The following FPGT variants were observed in gnomAD, a reference collection of about 807,000 sequenced individuals.
FPGT encodes the protein GDP-L-fucose diphosphorylase.
FPGT carries 41 observed loss-of-function variants against 45.8 expected under a neutral mutation model. The observed-to-expected ratio is 0.90, with a 90% confidence interval of 0.70 to 1.16. The LOEUF (loss-of-function observed/expected upper bound fraction) is 1.16. FPGT is among the 50% of genes most tolerant of loss of function. FPGT has a pLI of 0.00. For synonymous variants in FPGT, 292 were observed against 247.2 expected, an observed-to-expected ratio of 1.18 and a Z score of -1.70; for missense variants, 755 against 689.1, an observed-to-expected ratio of 1.10 and a Z score of -1.07.
chr1:74,198,581 T>C (rs1386993411), intron 1 of FPGT, among the ~76,000 whole-genome samples: 1 of 152,100 alleles, frequency 6.6e-6, no homozygotes, highest in Non-Finnish European at 1.5e-5. Flanking sequence ...AGTATAGATA[T>C]TAAAAATGAG....
In FPGT at chr1:74,205,634, AGTTT is replaced by A. The variant is rs1449334405; in HGVS notation, c.1591_1594del (p.Cys531LeufsTer3). 2 of 1,611,952 alleles carry A rather than the reference AGTTT, an allele frequency of 1.2e-6. No individual in the cohort carries two copies. The highest frequency in any genetic ancestry group is 1.7e-6 in the Non-Finnish European group (2 of 1,178,116). On this transcript the variant is annotated frameshift_variant, in exon 4 of 4. Coordinates refer to ENST00000370898, the MANE Select transcript of FPGT (RefSeq NM_003838.5). LOFTEE classifies it high-confidence loss of function. ...GTTTGTGGACTGCACGCATTTTCCC[AGTTT>A]GTTCTTCTTTGAGTGACTCAGTTAT...
At position 74,205,884 on chromosome 1, in the gene FPGT, A is replaced by T. The variant is rs879216185; in HGVS notation, c.*52A>T. On this transcript the variant is annotated 3_prime_UTR_variant, in exon 4 of 4. Coordinates refer to ENST00000370898, the MANE Select transcript of FPGT (RefSeq NM_003838.5). ...CCTTTTTGAGTAACATTCCAGAGAT[A>T]GGTATTTTTTGTAGGCTGTTTCACT... 9.4e-7 allele frequency: 1 copy of T among 1,058,768 alleles called. No individual in the cohort carries two copies. Among genetic ancestry groups the T allele is most frequent in the South Asian group, 1.6e-5 (1 of 63,042 alleles). 65.6% of individuals were successfully genotyped at this position (1,058,768 alleles called of 1,614,324 possible). A position where few individuals can be genotyped will look rare whatever the true frequency, so the allele number is the denominator to read the frequency against.
chr1:74,198,645 A>G (rs1282292348), intron 1 of FPGT, among the ~76,000 whole-genome samples: 1 of 152,218 alleles, frequency 6.6e-6, no homozygotes, highest in African/African-American at 2.4e-5. Context: ...TGATTAGCTC[A>G]TTAATAAAAG....
In FPGT at chr1:74,206,018, G is replaced by A; in HGVS notation, c.*186G>A. 2 of 441,722 alleles carry A rather than the reference G, an allele frequency of 4.5e-6. No homozygotes were observed. Among genetic ancestry groups the A allele is most frequent in the Non-Finnish European group, 8.0e-6 (2 of 251,358 alleles). 27.4% of individuals were successfully genotyped at this position (441,722 alleles called of 1,614,324 possible). A position where few individuals can be genotyped will look rare whatever the true frequency, so the allele number is the denominator to read the frequency against. On this transcript the variant is annotated 3_prime_UTR_variant, in exon 4 of 4. Coordinates refer to ENST00000370898, the MANE Select transcript of FPGT (RefSeq NM_003838.5). ...GAAAAATATTCCAAGACTAAGTTGAGAAAAGAGATACTATTTTGGATGTGT... is the reference window on the plus strand; with the variant it reads ...GAAAAATATTCCAAGACTAAGTTGAAAAAAGAGATACTATTTTGGATGTGT...
In FPGT at chr1:74,206,493, C is replaced by T. The variant is rs1652294316; in HGVS notation, c.*661C>T. The T allele has an allele frequency of 6.6e-6, 1 of 152,030 alleles. No individual in the cohort carries two copies. Among genetic ancestry groups the T allele is most frequent in the Non-Finnish European group, 1.5e-5 (1 of 67,940 alleles). 9.4% of individuals were successfully genotyped at this position (152,030 alleles called of 1,614,324 possible). A position where few individuals can be genotyped will look rare whatever the true frequency, so the allele number is the denominator to read the frequency against. ...ATCTTTAAAATTTTCCTTTATGTTCCATTCCATAGGAAAACACACATATGC... is the reference window on the plus strand; with the variant it reads ...ATCTTTAAAATTTTCCTTTATGTTCTATTCCATAGGAAAACACACATATGC... On this transcript the variant is annotated 3_prime_UTR_variant, in exon 4 of 4. Coordinates refer to ENST00000370898, the MANE Select transcript of FPGT (RefSeq NM_003838.5).
rs1652325942 is a variant in FPGT, at chr1:74,206,897, T to C, written c.*1065T>C. The C allele has an allele frequency of 6.6e-6, 1 of 152,084 alleles. No homozygotes were observed. The highest frequency in any genetic ancestry group is 2.4e-5 in the African/African-American group (1 of 41,442). The allele number at this position is 152,084 out of a possible 1,614,324, so 9.4% of individuals were successfully genotyped here. On this transcript the variant is annotated 3_prime_UTR_variant, in exon 4 of 4. Transcript: ENST00000370898. Reference sequence around the variant, plus strand: ...AATAGAGAAAAGATTTGTCAGTGTGTTTTTTTAAATGAAATAACTAGTCTG... The same window carrying C: ...AATAGAGAAAAGATTTGTCAGTGTGCTTTTTTAAATGAAATAACTAGTCTG...
chr1:74,205,166 C>T lies in FPGT; in HGVS notation c.1119C>T (p.Asn373=), dbSNP rs1233318849. 12 of 1,613,256 alleles carry T rather than the reference C, an allele frequency of 7.4e-6. No individual in the cohort carries two copies. The highest frequency in any genetic ancestry group is 1.7e-5 in the Admixed American group (1 of 60,018). The change falls in exon 4 of 4, where the codon AAC becomes AAT. Residue 373 remains asparagine, a synonymous_variant. Coordinates refer to ENST00000370898, the MANE Select transcript of FPGT (RefSeq NM_003838.5). ...EEYLFYFTSD[N]SLKSELGLQS... ...ATTTGTTTTACTTTACCTCAGATAA[C>T]AGTTTAAAGTCAGAGCTCGGCTTAC...
Position 74,205,563 on chromosome 1 carries a change from CTTAAAG to C in FPGT, c.1520_1525del (p.Lys507_Val508del), listed in dbSNP as rs1481224632. 1.2e-6 allele frequency: 2 copies of C among 1,613,750 alleles called. No individual in the cohort carries two copies. The highest frequency in any genetic ancestry group is 8.5e-7 in the Non-Finnish European group (1 of 1,179,668). ...CCTGTCATGCTTAGATGTTTGGAAT[CTTAAAG>C]TTACAGAGGAACTGTTCTCTGGTAA... is the stretch of plus-strand genomic sequence containing the variant. On this transcript the variant is annotated inframe_deletion, in exon 4 of 4. Coordinates refer to ENST00000370898, the MANE Select transcript of FPGT (RefSeq NM_003838.5).
rs1351288950 is a variant in FPGT, at chr1:74,198,253, G to A, written c.-26G>A. On this transcript the variant is annotated 5_prime_UTR_variant, in exon 1 of 4. Coordinates refer to ENST00000370898, the MANE Select transcript of FPGT (RefSeq NM_003838.5). Reference sequence around the variant, plus strand: ...ACCCCAGGGCGCATGCGTGCTGTGCGGCGCGGTCTCAGGGAAGGTGGGGCT... The same window carrying A: ...ACCCCAGGGCGCATGCGTGCTGTGCAGCGCGGTCTCAGGGAAGGTGGGGCT... The A allele has an allele frequency of 6.2e-7, 1 of 1,611,672 alleles. No homozygotes were observed. Among genetic ancestry groups the A allele is most frequent in the African/African-American group, 1.3e-5 (1 of 74,868 alleles).
In FPGT at chr1:74,205,353, A is replaced by G. The variant is rs1382951872; in HGVS notation, c.1306A>G (p.Ile436Val). Residue 436 changes from isoleucine to valine, a missense_variant, in exon 4 of 4, where the codon ATT (isoleucine) becomes GTT (valine). Transcript: ENST00000370898. The stretch of plus-strand genomic sequence containing the variant: ...TGTTTCAGTTGGGGAAAACTGCATT[A>G]TTAGTGGTTCTTACATCCTAACAAA... ...PDVSVGENCI[I>V]SGSYILTKAA... 4 of 1,614,156 alleles carry G rather than the reference A, an allele frequency of 2.5e-6. No homozygotes were observed. The highest frequency in any genetic ancestry group is 1.1e-5 in the South Asian group (1 of 91,090).
chr1:74,205,141 A>G lies in FPGT; in HGVS notation c.1094A>G (p.Tyr365Cys). Residue 365 changes from tyrosine (Y) to cysteine (C), a missense_variant, in exon 4 of 4, where the codon TAT becomes TGT. Physicochemically the swap from Tyr to Cys is radical, Grantham distance 194 (BLOSUM62 -2). Coordinates refer to ENST00000370898, the MANE Select transcript of FPGT (RefSeq NM_003838.5). ...KFYHIGTTEE[Y>C]LFYFTSDNSL... is the part of the protein sequence containing the mutation. Reference sequence around the variant, plus strand: ...TATCACATTGGAACAACCGAAGAATATTTGTTTTACTTTACCTCAGATAAC... The same window carrying G: ...TATCACATTGGAACAACCGAAGAATGTTTGTTTTACTTTACCTCAGATAAC... 6.2e-7 allele frequency: 1 copy of G among 1,613,630 alleles called. No individual in the cohort carries two copies. Among genetic ancestry groups the G allele is most frequent in the Non-Finnish European group, 8.5e-7 (1 of 1,179,560 alleles).
At position 74,198,326 on chromosome 1, in the gene FPGT, C is replaced by G. The variant is rs1483326789; in HGVS notation, c.48C>G (p.Thr16=). 1 of 1,614,000 alleles carries G rather than the reference C, an allele frequency of 6.2e-7. No individual in the cohort carries two copies. Among genetic ancestry groups the G allele is most frequent in the Non-Finnish European group, 8.5e-7 (1 of 1,180,028 alleles). The change falls in exon 1 of 4, where the codon ACC becomes ACG. Residue 16 remains threonine (T), a synonymous_variant. Transcript: ENST00000370898. ...DPPEVSLREA[T]QRKLRRFSEL... Reference sequence around the variant, plus strand: ...CGGAAGTATCGCTGCGAGAAGCCACCCAGCGAAAATTGCGGAGGTTTTCCG... The same window carrying G: ...CGGAAGTATCGCTGCGAGAAGCCACGCAGCGAAAATTGCGGAGGTTTTCCG...
Position 74,204,874 on chromosome 1 carries a change from T to G in FPGT, c.827T>G (p.Met276Arg). Residue 276 changes from methionine to arginine, a missense_variant, in exon 4 of 4, where the codon ATG (methionine) becomes AGG (arginine). Physicochemically the swap from Met to Arg is moderately conservative, Grantham distance 91. Coordinates refer to ENST00000370898, the MANE Select transcript of FPGT (RefSeq NM_003838.5). Reference sequence around the variant, plus strand: ...GTCTACACAGATAGCCTATTTTATATGGATCATAAATCAGCAAAAATGTTA... The same window carrying G: ...GTCTACACAGATAGCCTATTTTATAGGGATCATAAATCAGCAAAAATGTTA... ...DYVYTDSLFY[M>R]DHKSAKMLLA... 2 of 1,613,774 alleles carry G rather than the reference T, an allele frequency of 1.2e-6. No individual in the cohort carries two copies. The highest frequency in any genetic ancestry group is 1.7e-6 in the Non-Finnish European group (2 of 1,179,968).
chr1:74,199,809 G>A lies in FPGT; in HGVS notation c.228G>A (p.Val76=), dbSNP rs792310. ...LPLGVQYHVF[V]DPAGAKIGNG... Reference sequence around the variant, plus strand: ...TTGGAGTTCAATATCACGTTTTTGTGGATCCTGCTGGAGCCAAAATTGGTA... The same window carrying A: ...TTGGAGTTCAATATCACGTTTTTGTAGATCCTGCTGGAGCCAAAATTGGTA... Residue 76 remains valine (V), a synonymous_variant, in exon 2 of 4, where the codon GTG becomes GTA. Coordinates refer to ENST00000370898, the MANE Select transcript of FPGT (RefSeq NM_003838.5). The A allele has an allele frequency of 0.48, 773,810 of 1,613,486 alleles. 190,540 individuals are homozygous for A. The highest frequency in any genetic ancestry group is 0.7 in the East Asian group (31,597 of 44,828).
chr1:74,202,997 A>G (rs983439371), intron 3 of FPGT, among the ~76,000 whole-genome samples: 16 of 152,334 alleles, frequency 1.1e-4, no homozygotes, highest in African/African-American at 2.9e-4. Context: ...GACCTGCCTG[A>G]GGCCATTTTA....
chr1:74,199,020 T>C (rs955775019), intron 1 of FPGT, among the ~76,000 whole-genome samples: 5 of 152,176 alleles, frequency 3.3e-5, no homozygotes, highest in African/African-American at 1.2e-4. Context: ...TGCTAAATCA[T>C]TTTGTTTATC....
At chr1:74,200,350 C>T (rs528830254) in intron 2 of FPGT, among the ~76,000 whole-genome samples, 2 of 152,262 alleles carry the variant, frequency 1.3e-5, no homozygotes, top group African/African-American at 2.4e-5. Context: ...TTTCTGAATG[C>T]TCTTTTCTAT....
Position 74,208,013 on chromosome 1 carries a change from G to A in FPGT, c.*2181G>A, listed in dbSNP as rs1412658794. Among the ~76,000 whole-genome samples, 2 of 151,970 alleles carry A rather than the reference G, an allele frequency of 1.3e-5. No individual in the cohort carries two copies. Among genetic ancestry groups the A allele is most frequent in the African/African-American group, 4.8e-5 (2 of 41,416 alleles). On this transcript the variant is annotated 3_prime_UTR_variant, in exon 4 of 4. Transcript: ENST00000370898. ...GTAGCACAAACGTACCACCAATAATGTACCTAATTCAACTGAAGTGACAGT... is the reference window on the plus strand; with the variant it reads ...GTAGCACAAACGTACCACCAATAATATACCTAATTCAACTGAAGTGACAGT...
intron 2 of FPGT, chr1:74,200,763 C>G (rs940923878): frequency 6.4e-6 from 1 of 155,640 alleles, no homozygotes; most frequent in Non-Finnish European, 1.4e-5. Context: ...CTGCCTCGGC[C>G]TCCCAAAGTG....
Sources: gnomAD v4.1 joint callset for allele counts (sites outside exome capture counted in the v4.1 genomes callset) on GRCh38, gnomAD v4.1.1 for gene constraint, MANE v1.5 for transcripts, NCBI Gene and HGNC (gene_info 2026-07-23, HGNC 2026-07-21) for gene names.